Variants in KTN1 observed in about 807,000 individuals in gnomAD.
KTN1 encodes the protein kinectin.
In KTN1, 130 loss-of-function variants were observed where a neutral mutation model predicts 222.5. The observed-to-expected ratio is 0.58, with a 90% CI of 0.51 to 0.68. The LOEUF is 0.68. Among genes scored for constraint, KTN1 ranks in the 30% least tolerant of loss-of-function variants. The pLI is 0.00. For synonymous variants in KTN1, 512 were observed against 496.3 expected, an observed-to-expected ratio of 1.03 and a Z score of -0.42; for missense variants, 1,508 against 1,500.4, an observed-to-expected ratio of 1.01 and a Z score of -0.08.
intron 18 of KTN1, among the ~76,000 whole-genome samples, chr14:55,645,579 AG>A (rs2042205440): frequency 1.3e-5 from 2 of 152,184 alleles, no homozygotes; most frequent in South Asian, 4.1e-4. Context: ...GATGGACAAA[AG>A]CCATCTTCAT....
chr14:55,624,503 C>CA (rs547891638), intron 5 of KTN1, among the ~76,000 whole-genome samples: 8 of 152,250 alleles, frequency 5.3e-5, no homozygotes, highest in Admixed American at 3.3e-4. Flanking sequence ...TTAGGCATCC[C>CA]TTGTGCCATT....
rs370290496 is a variant in KTN1 at position 55,667,347 on chromosome 14, A to T, written c.3267+17A>T. 2.8e-6 allele frequency: 4 copies of T among 1,414,036 alleles called. No individual in the cohort carries two copies. In the South Asian group the frequency reaches 3.7e-5, roughly 13 times the overall value. 87.6% of individuals were successfully genotyped at this position (1,414,036 alleles called of 1,614,324 possible). On this transcript the variant is annotated intron_variant, in intron 34 of 43. Transcript: ENST00000395314. ...TCTAATTTGGTAAGACTAATTTATTATTTTTTTAACATGATGACATTATTC... is the reference window on the plus strand; with the variant it reads ...TCTAATTTGGTAAGACTAATTTATTTTTTTTTTAACATGATGACATTATTC...
intron 30 of KTN1, among the ~76,000 whole-genome samples, chr14:55,658,964 G>A (rs1483882173): frequency 6.6e-6 from 1 of 152,098 alleles, no homozygotes; most frequent in African/African-American, 2.4e-5. Flanking sequence ...TGAAACATTA[G>A]TAACTGGAGA....
chr14:55,676,737 AT>A (rs1188395163), intron 41 of KTN1, among the ~76,000 whole-genome samples: 2 of 152,204 alleles, frequency 1.3e-5, no homozygotes, highest in Middle Eastern at 3.2e-3. Flanking sequence ...ATTTTAAAAA[AT>A]AATACTCCTT....
At chr14:55,591,247 A>C (rs2034069574) in intron 1 of KTN1, among the ~76,000 whole-genome samples, 1 of 152,160 alleles carries the variant, frequency 6.6e-6, no homozygotes, top group African/African-American at 2.4e-5. Context: ...ATACTATTCC[A>C]TGCTGTTCTG....
intron 14 of KTN1, among the ~76,000 whole-genome samples, 168 bp from the exon 15 acceptor site, chr14:55,640,206 A>G (rs1466698616): frequency 6.6e-6 from 1 of 151,944 alleles, no homozygotes; most frequent in Non-Finnish European, 1.5e-5. Flanking sequence ...ATAATTTACA[A>G]TAATTTGATA....
In KTN1 at chr14:55,630,024, T is replaced by C; in HGVS notation, c.1148T>C (p.Leu383Ser). The C allele has an allele frequency of 1.9e-6, 3 of 1,602,468 alleles. No individual in the cohort carries two copies. The highest frequency in any genetic ancestry group is 2.6e-6 in the Non-Finnish European group (3 of 1,169,426). Reference protein sequence around the residue: ...ITRMKDRIGTLEKEHNVFQNK... With the variant: ...ITRMKDRIGTSEKEHNVFQNK... ...AGGATGAAAGATCGAATTGGAACAT[T>C]AGAAAAGGAACATAATGTATTTCAA... is the stretch of plus-strand genomic sequence containing the variant. Residue 383 changes from leucine to serine, a missense_variant, in exon 7 of 44, where the codon TTA becomes TCA. Coordinates refer to ENST00000395314, the MANE Select transcript of KTN1 (RefSeq NM_001079521.2).
At chr14:55,587,480 A>G (rs939421401) in intron 1 of KTN1, among the ~76,000 whole-genome samples, 1 of 152,154 alleles carries the variant, frequency 6.6e-6, no homozygotes, top group African/African-American at 2.4e-5. Flanking sequence ...ATAAATTTGG[A>G]CAAGCTAAGC....
At chr14:55,581,987 A>T (rs889630083) in intron 1 of KTN1, among the ~76,000 whole-genome samples, 2 of 151,580 alleles carry the variant, frequency 1.3e-5, no homozygotes, top group African/African-American at 4.9e-5. Context: ...CCCAACATTG[A>T]GTTTCAAATG....
At chr14:55,660,166 G>GC (rs2043962299) in intron 31 of KTN1, among the ~76,000 whole-genome samples, 1 of 152,004 alleles carries the variant, frequency 6.6e-6, no homozygotes, top group African/African-American at 2.4e-5. Context: ...GGATCACTGA[G>GC]CTCAGGGGTT....
At chr14:55,605,242 T>G (rs991936021) in intron 1 of KTN1, among the ~76,000 whole-genome samples, 1 of 152,212 alleles carries the variant, frequency 6.6e-6, no homozygotes, top group Non-Finnish European at 1.5e-5. Flanking sequence ...ATTGGTCTCC[T>G]TGCAACTATT....
chr14:55,651,866 AT>A (rs767841319), intron 24 of KTN1, 23 bp from the exon 25 acceptor site: 1 of 1,488,520 alleles, frequency 6.7e-7, no homozygotes, highest in Non-Finnish European at 9.3e-7. Context: ...TTATTAATTG[AT>A]TTTTCTGTCC....
chr14:55,595,126 A>T (rs1218827051), intron 1 of KTN1, among the ~76,000 whole-genome samples: 2 of 152,212 alleles, frequency 1.3e-5, no homozygotes, highest in African/African-American at 2.4e-5. Flanking sequence ...CACGAAGCAT[A>T]TCTAGGTTCA....
intron 7 of KTN1, among the ~76,000 whole-genome samples, chr14:55,632,140 G>T (rs1594965551): frequency 6.6e-6 from 1 of 152,116 alleles, no homozygotes; most frequent in South Asian, 2.1e-4. Context: ...CCAGCAATTT[G>T]AGTTAGTGAA....
chr14:55,679,921 ACT>A, intron 43 of KTN1: 1 of 457,216 alleles, frequency 2.2e-6, no homozygotes, highest in Non-Finnish European at 3.8e-6. Context: ...TATCAAACAG[ACT>A]CTCTTGTAAC....
chr14:55,673,147 T>C, intron 39 of KTN1, 25 bp from the exon 40 acceptor site: 4 of 1,593,514 alleles, frequency 2.5e-6, no homozygotes, highest in Non-Finnish European at 3.4e-6. Flanking sequence ...AGGAGATCAA[T>C]CTTAAACTCT....
intron 1 of KTN1, among the ~76,000 whole-genome samples, chr14:55,598,506 A>G (rs1019858536): frequency 1.3e-5 from 1 of 74,318 alleles, no homozygotes; most frequent in African/African-American, 3.5e-5. Context: ...ACTGTTCATT[A>G]AAAAAAAAAA....
chr14:55,640,926 C>A lies in KTN1; in HGVS notation c.1984-7C>A. 1 of 1,611,292 alleles carries A rather than the reference C, an allele frequency of 6.2e-7. No homozygotes were observed. The highest frequency in any genetic ancestry group is 1.1e-5 in the South Asian group (1 of 90,858). On this transcript the variant is annotated splice_region_variant and splice_polypyrimidine_tract_variant and intron_variant, in intron 15 of 43. Transcript: ENST00000395314. ...GTGATATCATTTTCTTCTCATTCCA[C>A]ACACAGGCTGCTGCTGCACATGAAT...
rs2035337449 is a variant in KTN1, at chr14:55,598,076, G to A, written c.-30-13943G>A. On this transcript the variant is annotated intron_variant, in intron 1 of 43. Transcript: ENST00000395314. Reference sequence around the variant, plus strand: ...ACTCTTTGCTAGCACTCTTCTTTGTGCATTCCTGAAAAGTTTATTAGAGAA... The same window carrying A: ...ACTCTTTGCTAGCACTCTTCTTTGTACATTCCTGAAAAGTTTATTAGAGAA... Among the ~76,000 whole-genome samples the A allele has an allele frequency of 2.0e-5, 3 of 152,122 alleles. 1 individual carries two copies. The South Asian group carries it at 6.2e-4, about 31-fold the overall frequency.
Sources: gnomAD v4.1 joint callset for allele counts (sites outside exome capture counted in the v4.1 genomes callset) on GRCh38, gnomAD v4.1.1 for gene constraint, MANE v1.5 for transcripts, NCBI Gene and HGNC (gene_info 2026-07-23, HGNC 2026-07-21) for gene names.